The following ASB14 variants were observed in gnomAD, a reference collection of about 807,000 sequenced individuals.
The protein encoded by ASB14 is ankyrin repeat and SOCS box containing 14.
ASB14 carries 63 observed loss-of-function variants against 55.6 expected under a neutral mutation model. That is an observed-to-expected ratio of 1.13 (90% confidence interval 0.92 to 1.40). The LOEUF (loss-of-function observed/expected upper bound fraction) is 1.40, where lower values mean the gene tolerates loss of function less well. Ranked by LOEUF, ASB14 falls within the 40% of genes most tolerant of loss-of-function variation. The pLI, the probability that ASB14 is intolerant of heterozygous loss-of-function variation, is 0.00. For synonymous variants in ASB14, 256 were observed against 259.9 expected, an observed-to-expected ratio of 0.98 and a Z score of 0.15; for missense variants, 724 against 710.4, an observed-to-expected ratio of 1.02 and a Z score of -0.22.
chr3:57,287,998 A>C lies in ASB14; in HGVS notation c.372T>G (p.Ala124=). 6.5e-7 allele frequency: 1 copy of C among 1,537,366 alleles called. No individual in the cohort carries two copies. Among genetic ancestry groups the C allele is most frequent in the Non-Finnish European group, 8.7e-7 (1 of 1,146,922 alleles). ...CATTTTCTAAGAGGCAACTGCTGACAGCCAAAAAAAGTGGCGTTTCACCAT... is the reference window on the plus strand; with the variant it reads ...CATTTTCTAAGAGGCAACTGCTGACCGCCAAAAAAAGTGGCGTTTCACCAT... ...THNGETPLFL[A]VSSCLLENAT... The change falls in exon 5 of 11, where the codon GCT becomes GCG. Residue 124 remains alanine (A), a synonymous_variant. Transcript: ENST00000487349.
chr3:57,285,882 T>C (rs896355405), intron 5 of ASB14, among the ~76,000 whole-genome samples: 2 of 152,174 alleles, frequency 1.3e-5, no homozygotes, highest in African/African-American at 2.4e-5. Flanking sequence ...GCCTCCCACC[T>C]GGCTTGGATC....
Position 57,278,632 on chromosome 3 carries a change from T to A in ASB14, c.1176A>T (p.Ile392=). The change falls in exon 8 of 11, where the codon ATA becomes ATT. Residue 392 remains isoleucine, a synonymous_variant. Transcript: ENST00000487349. ...GCTCATAGTTGCCCATCCTGAGGGC[T>A]ATCTGGAGGCAGTTAACCGGGTCTT... ...PNQDPVNCLQ[I]ALRMGNYELI... 1 of 1,614,218 alleles carries A rather than the reference T, an allele frequency of 6.2e-7. No individual in the cohort carries two copies. Among genetic ancestry groups the A allele is most frequent in the Non-Finnish European group, 8.5e-7 (1 of 1,180,024 alleles).
At position 57,268,545 on chromosome 3, in the gene ASB14, C is replaced by T; in HGVS notation, c.*1096G>A. The T allele has an allele frequency of 6.7e-7, 1 of 1,481,726 alleles. No individual in the cohort carries two copies. Among genetic ancestry groups the T allele is most frequent in the Non-Finnish European group, 9.0e-7 (1 of 1,116,144 alleles). The allele number at this position is 1,481,726 out of a possible 1,614,324, so 91.8% of individuals were successfully genotyped here. On this transcript the variant is annotated 3_prime_UTR_variant, in exon 11 of 11. Coordinates refer to ENST00000487349, the MANE Select transcript of ASB14 (RefSeq NM_001142733.3). ...TTGTTTGTGAAGACTTAATTCAGCA[C>T]TATGACTTTCAGATTTGAATTTCCA...
chr3:57,278,738 T>G lies in ASB14; in HGVS notation c.1070A>C (p.Lys357Thr), dbSNP rs369121489. The stretch of plus-strand genomic sequence containing the variant: ...TGATACAGCAAAATACAAAGCTGAC[T>G]TCCTGTGGTCATCGTAGTGTTTGTT... ...RINKHYDDHR[K>T]SALYFAVSNS... Residue 357 changes from lysine (K) to threonine (T), a missense_variant, in exon 8 of 11, where the codon AAG becomes ACG. Physicochemically the swap from Lys to Thr is moderately conservative, Grantham distance 78. Coordinates refer to ENST00000487349, the MANE Select transcript of ASB14 (RefSeq NM_001142733.3). The G allele has an allele frequency of 1.2e-6, 2 of 1,613,874 alleles. No individual in the cohort carries two copies. Among genetic ancestry groups the G allele is most frequent in the Middle Eastern group, 1.6e-4 (1 of 6,062 alleles).
In ASB14 at chr3:57,268,392, C is replaced by A; in HGVS notation, c.*1249G>T. 6.5e-7 allele frequency: 1 copy of A among 1,549,222 alleles called. No individual in the cohort carries two copies. Among genetic ancestry groups the A allele is most frequent in the South Asian group, 1.1e-5 (1 of 87,112 alleles). ...AATTCATTAGTTTTATTCATCTGTT[C>A]TTTAGGATCGTAGGGCATCAGAAAA... On this transcript the variant is annotated 3_prime_UTR_variant, in exon 11 of 11. Transcript: ENST00000487349.
chr3:57,289,296 C>A (rs1219028065), intron 2 of ASB14, among the ~76,000 whole-genome samples, 173 bp from the exon 3 acceptor site: 2 of 152,066 alleles, frequency 1.3e-5, no homozygotes. Context: ...TGTAATGTGG[C>A]CCTTAACAAA....
chr3:57,268,488 G>A lies in ASB14; in HGVS notation c.*1153C>T. The A allele has an allele frequency of 6.2e-7, 1 of 1,603,124 alleles. No individual in the cohort carries two copies. Among genetic ancestry groups the A allele is most frequent in the Non-Finnish European group, 8.5e-7 (1 of 1,176,298 alleles). ...CAATAAACAAAAACAGATTGAAAAG[G>A]TATACAGTCCTAATGTCTGGATCTT... On this transcript the variant is annotated 3_prime_UTR_variant, in exon 11 of 11. Coordinates refer to ENST00000487349, the MANE Select transcript of ASB14 (RefSeq NM_001142733.3).
At chr3:57,282,858 T>C (rs2061050058) in intron 6 of ASB14, among the ~76,000 whole-genome samples, 1 of 152,178 alleles carries the variant, frequency 6.6e-6, no homozygotes, top group African/African-American at 2.4e-5. Context: ...GCAGAGGTAA[T>C]GTGCAGAGTA....
At chr3:57,281,766 A>G (rs1222460803) in intron 6 of ASB14, among the ~76,000 whole-genome samples, 1 of 152,218 alleles carries the variant, frequency 6.6e-6, no homozygotes, top group Non-Finnish European at 1.5e-5. Context: ...TAAGCAAGGT[A>G]GTCAGGATTC....
In ASB14 at chr3:57,288,261, T is replaced by A. The variant is rs185734900; in HGVS notation, c.204A>T (p.Leu68Phe). 2 of 1,537,094 alleles carry A rather than the reference T, an allele frequency of 1.3e-6. No individual in the cohort carries two copies. The highest frequency in any genetic ancestry group is 4.9e-5 in the East Asian group (2 of 40,916). Residue 68 changes from leucine (L) to phenylalanine (F), a missense_variant, in exon 4 of 11, where the codon TTA (leucine) becomes TTT (phenylalanine). Leu to Phe is a conservative substitution (Grantham distance 22). Coordinates refer to ENST00000487349, the MANE Select transcript of ASB14 (RefSeq NM_001142733.3). The part of the protein sequence containing the change: ...EKGKEDALSH[L>F]TKYHSAFGEA... ...CACCAAATGCGGAATGGTACTTGGT[T>A]AAGTGTGACAATGCATCTTCCTTAC...
rs765859726 is a variant in ASB14 at position 57,276,525 on chromosome 3, T to C, written c.*22+3A>G. The C allele has an allele frequency of 7.6e-6, 12 of 1,576,182 alleles. No individual in the cohort carries two copies. Among genetic ancestry groups the C allele is most frequent in the Non-Finnish European group, 1.0e-5 (12 of 1,155,676 alleles). On this transcript the variant is annotated splice_donor_region_variant and intron_variant, in intron 10 of 10. Transcript: ENST00000487349. The stretch of plus-strand genomic sequence containing the variant: ...TTTAAGGAATACAGCTGCAAAATTA[T>C]ACCTTTTCCATTAGAATGGTTTGAT...
chr3:57,278,771 T>C lies in ASB14; in HGVS notation c.1037A>G (p.Gln346Arg), dbSNP rs1429878659. ...GTCATCGTAGTGTTTGTTAATTCTC[T>C]GATCCAGCATGAAGTTCACATCAAA... ...AGFDVNFMLDQRINKHYDDHR... is the reference protein window; with the variant it reads ...AGFDVNFMLDRRINKHYDDHR... Residue 346 changes from glutamine to arginine, a missense_variant, in exon 8 of 11, where the codon CAG becomes CGG. Gln to Arg is a conservative substitution (Grantham distance 43, BLOSUM62 1). Transcript: ENST00000487349. 3.1e-6 allele frequency: 5 copies of C among 1,613,284 alleles called. No individual in the cohort carries two copies. In the East Asian group the frequency reaches 1.1e-4, roughly 36 times the overall value.
At chr3:57,282,207 G>T (rs1400676373) in intron 6 of ASB14, among the ~76,000 whole-genome samples, 3 of 152,124 alleles carry the variant, frequency 2.0e-5, no homozygotes, top group Non-Finnish European at 4.4e-5. Context: ...TGACAGGAAA[G>T]ATTTAGATAA....
intron 10 of ASB14, chr3:57,273,236 ATACTAT>A (rs2060958590): frequency 6.6e-6 from 1 of 152,652 alleles, no homozygotes; most frequent in African/African-American, 2.4e-5. Flanking sequence ...TATTTCACTG[ATACTAT>A]TAATCATGCA....
At chr3:57,276,359 C>T (rs1380828042) in intron 10 of ASB14, among the ~76,000 whole-genome samples, 169 bp downstream of exon 10, 2 of 151,804 alleles carry the variant, frequency 1.3e-5, no homozygotes, top group Non-Finnish European at 2.9e-5. Context: ...GATCACAGCT[C>T]ACTGCAGCCT....
intron 7 of ASB14, among the ~76,000 whole-genome samples, chr3:57,279,590 C>T (rs2061021740): frequency 6.6e-6 from 1 of 151,792 alleles, no homozygotes; most frequent in Non-Finnish European, 1.5e-5. Context: ...CCCAGCTACT[C>T]AGGAGGCTGA....
chr3:57,270,475 A>AT (rs1420920788), intron 10 of ASB14: 1 of 152,642 alleles, frequency 6.6e-6, no homozygotes, highest in Admixed American at 6.5e-5. Context: ...TGTTCAATAC[A>AT]TTTTAGATTA....
intron 5 of ASB14, among the ~76,000 whole-genome samples, chr3:57,285,869 T>C (rs1175562577): frequency 6.6e-6 from 1 of 152,150 alleles, no homozygotes; most frequent in Non-Finnish European, 1.5e-5. Flanking sequence ...AGGGATCTCA[T>C]TTGCCTCCCA....
chr3:57,280,846 C>G (rs1188624612), intron 6 of ASB14, among the ~76,000 whole-genome samples: 2 of 152,180 alleles, frequency 1.3e-5, no homozygotes, highest in African/African-American at 2.4e-5. Flanking sequence ...ATCTATCAAA[C>G]TATAATACCA....
Sources: gnomAD v4.1 joint callset for allele counts (sites outside exome capture counted in the v4.1 genomes callset) on GRCh38, gnomAD v4.1.1 for gene constraint, MANE v1.5 for transcripts, NCBI Gene and HGNC (gene_info 2026-07-23, HGNC 2026-07-21) for gene names.